EHD2: variants seen among roughly 807,000 people sequenced by gnomAD.
The protein encoded by EHD2 is EH domain containing 2.
In EHD2, 27 loss-of-function variants were observed where a neutral mutation model predicts 41.0. That is an observed-to-expected ratio of 0.66 (90% CI 0.49 to 0.91). The LOEUF is 0.91. Among genes scored for constraint, EHD2 ranks in the 40% least tolerant of loss-of-function variants. EHD2 has a pLI of 0.00. For synonymous variants in EHD2, 342 were observed against 341.0 expected (o/e 1.00, Z -0.03); for missense variants, 673 against 773.9 (o/e 0.87, Z 1.55).
chr19:47,714,022 C>T (rs1462166025), intron 1 of EHD2, among the ~76,000 whole-genome samples: 3 of 152,134 alleles, frequency 2.0e-5, no homozygotes, highest in African/African-American at 7.2e-5. Flanking sequence ...ATCCCAGATC[C>T]TGCCTCTCTT....
intron 5 of EHD2, among the ~76,000 whole-genome samples, chr19:47,739,418 T>C (rs975439768): frequency 6.9e-5 from 10 of 144,678 alleles, no homozygotes; most frequent in Middle Eastern, 7.3e-3. Context: ...CTGGCCAACA[T>C]GGCGAAACCC....
At chr19:47,728,956 A>T (rs1439894568) in intron 4 of EHD2, among the ~76,000 whole-genome samples, 6 of 151,638 alleles carry the variant, frequency 4.0e-5, no homozygotes, top group Admixed American at 3.9e-4. Flanking sequence ...TGAATGAATG[A>T]CATTGAACAA....
rs1973625947 is a variant in EHD2 at position 47,716,503 on chromosome 19, C to A, written c.-55-55C>A. ...ACCCAGACAGTCTACACTCAGACCC[C>A]TTTCTTCCTCCTTGGCTGGGCCGCC... On this transcript the variant is annotated intron_variant, in intron 1 of 5. Coordinates refer to ENST00000263277, the MANE Select transcript of EHD2 (RefSeq NM_014601.4). The A allele has an allele frequency of 3.1e-6, 4 of 1,300,850 alleles. No individual in the cohort carries two copies. In the Admixed American group the frequency reaches 1.2e-4, roughly 38 times the overall value. 80.6% of individuals were successfully genotyped at this position (1,300,850 alleles called of 1,614,324 possible). A position where few individuals can be genotyped will look rare whatever the true frequency, so the allele number is the denominator to read the frequency against.
rs1430106191 is a variant in EHD2 at position 47,719,306 on chromosome 19, G to A, written c.502+700G>A. ...AGGCAGAGCCCGGGCAGGGGAGGCT[G>A]GGCCCTGCGAGCTCCTGGCTCTGCG... On this transcript the variant is annotated intron_variant, in intron 3 of 5. Transcript: ENST00000263277. This position sits in a 1 kb window ranked among gnomAD's most constrained non-coding sequence, Gnocchi z 4.1. Among the ~76,000 whole-genome samples, 2 of 152,114 alleles carry A rather than the reference G, an allele frequency of 1.3e-5. No individual in the cohort carries two copies. The highest frequency in any genetic ancestry group is 2.9e-5 in the Non-Finnish European group (2 of 68,010).
chr19:47,739,976 T>C (rs1966968140), intron 5 of EHD2, among the ~76,000 whole-genome samples: 1 of 152,146 alleles, frequency 6.6e-6, no homozygotes, highest in South Asian at 2.1e-4. Flanking sequence ...GGAGAAAGCC[T>C]CTGGGACCTT....
intron 4 of EHD2, among the ~76,000 whole-genome samples, chr19:47,727,924 C>T (rs936648591): frequency 3.3e-5 from 5 of 151,684 alleles, no homozygotes; most frequent in East Asian, 1.9e-4. Flanking sequence ...GGTGAAACTG[C>T]GTCTCTACTA....
At chr19:47,740,060 G>A (rs1966969137) in intron 5 of EHD2, among the ~76,000 whole-genome samples, 1 of 152,038 alleles carries the variant, frequency 6.6e-6, no homozygotes, top group Non-Finnish European at 1.5e-5. Flanking sequence ...ACTTCTGCAT[G>A]TGTCAGTAAA....
chr19:47,730,245 T>C (rs1195719903), intron 4 of EHD2, among the ~76,000 whole-genome samples: 1 of 145,978 alleles, frequency 6.9e-6, no homozygotes, highest in Admixed American at 6.9e-5. Context: ...CCCTCCCGCC[T>C]ACCCTCCTTT....
At chr19:47,736,008 C>G (rs1352642004) in intron 4 of EHD2, among the ~76,000 whole-genome samples, 1 of 152,036 alleles carries the variant, frequency 6.6e-6, no homozygotes, top group East Asian at 1.9e-4. Flanking sequence ...CCAGCCTGAC[C>G]AGCATGGTGA....
chr19:47,718,471 C>T (rs1439335012), intron 2 of EHD2, 38 bp from the exon 3 acceptor site: 3 of 1,523,938 alleles, frequency 2.0e-6, no homozygotes, highest in East Asian at 2.4e-5. Context: ...CTCCTTCTGT[C>T]CTTCCCTGTT....
At chr19:47,717,324 C>T (rs150423812) in intron 2 of EHD2, among the ~76,000 whole-genome samples, 1 of 152,222 alleles carries the variant, frequency 6.6e-6, no homozygotes, top group African/African-American at 2.4e-5. Context: ...GTTGGGATTA[C>T]ACGAGTGAGC....
At chr19:47,721,396 C>G (rs1208626888) in intron 3 of EHD2, among the ~76,000 whole-genome samples, 4 of 151,766 alleles carry the variant, frequency 2.6e-5, no homozygotes, top group Admixed American at 6.6e-5. Context: ...CTCGCTGCAA[C>G]CTCCGCCTCC....
At chr19:47,713,754 C>G (rs77382626) in intron 1 of EHD2, among the ~76,000 whole-genome samples, 1 of 151,366 alleles carries the variant, frequency 6.6e-6, no homozygotes, top group East Asian at 2.0e-4. Context: ...TCCAGTCTTT[C>G]GCAGCCTCTC....
At chr19:47,724,548 A>C (rs1973729682) in intron 3 of EHD2, among the ~76,000 whole-genome samples, 1 of 152,134 alleles carries the variant, frequency 6.6e-6, no homozygotes, top group South Asian at 2.1e-4. Context: ...TTGGTGAATA[A>C]ATGAGTGAAG....
At position 47,716,805 on chromosome 19, in the gene EHD2, G is replaced by A. The variant is rs757488835; in HGVS notation, c.193G>A (p.Gly65Ser). ...CGGCAAGCCCATGGTGCTGGTGGCC[G>A]GCCAGTACAGCACGGGCAAGACCAG... Reference protein sequence around the residue: ...FDGKPMVLVAGQYSTGKTSFI... With the variant: ...FDGKPMVLVASQYSTGKTSFI... Residue 65 changes from glycine to serine, a missense_variant, in exon 2 of 6, where the codon GGC (glycine) becomes AGC (serine). By Grantham distance (56) the Gly-to-Ser change is moderately conservative. Transcript: ENST00000263277. 5.6e-6 allele frequency: 9 copies of A among 1,610,722 alleles called. No individual in the cohort carries two copies. The East Asian group carries it at 8.9e-5, about 16-fold the overall frequency.
intron 4 of EHD2, 54 bp from the exon 5 acceptor site, chr19:47,736,315 A>T: frequency 2.6e-6 from 4 of 1,537,566 alleles, no homozygotes; most frequent in Non-Finnish European, 3.5e-6. Context: ...CCTGTGTTTT[A>T]ACAAGCTCCC....
intron 1 of EHD2, among the ~76,000 whole-genome samples, chr19:47,716,162 T>G (rs1038858660): frequency 6.8e-6 from 1 of 147,666 alleles, no homozygotes; most frequent in Non-Finnish European, 1.5e-5. Context: ...GCCTGCAGCC[T>G]TGAACTCCTG....
chr19:47,717,181 G>C (rs1973638260), intron 2 of EHD2, among the ~76,000 whole-genome samples, 165 bp downstream of exon 2: 1 of 152,122 alleles, frequency 6.6e-6, no homozygotes, highest in Admixed American at 6.6e-5. Context: ...CTGAGTAGCT[G>C]GGATTACAGA....
chr19:47,726,641 C>CCCTTCCTCCTT (rs969780532), intron 4 of EHD2, among the ~76,000 whole-genome samples: 1 of 151,664 alleles, frequency 6.6e-6, no homozygotes, highest in South Asian at 2.1e-4. Context: ...CCTCCCTCCT[C>CCCTTCCTCCTT]CCTTCCTCCT....
Sources: gnomAD v4.1 joint callset for allele counts (sites outside exome capture counted in the v4.1 genomes callset) on GRCh38, gnomAD v4.1.1 for gene constraint, Gnocchi (gnomAD v3.1) non-coding constraint, MANE v1.5 for transcripts, NCBI Gene and HGNC (gene_info 2026-07-23, HGNC 2026-07-21) for gene names.